MCFD2: variants seen among roughly 807,000 people sequenced by gnomAD.
MCFD2 encodes the protein multiple coagulation factor deficiency protein 2.
In MCFD2, 11 loss-of-function variants were observed where a neutral mutation model predicts 12.8. The observed-to-expected ratio is 0.86, with a 90% confidence interval of 0.54 to 1.42. MCFD2 has a LOEUF of 1.42. MCFD2 is among the 40% of genes most tolerant of loss of function. The pLI, the probability that MCFD2 is intolerant of heterozygous loss-of-function variation, is 0.00. For synonymous variants in MCFD2, 70 were observed against 68.1 expected (o/e 1.03, Z -0.14); for missense variants, 191 against 178.6 (o/e 1.07, Z -0.40).
chr2:46,932,834 G>A (rs1179584315), intron 1 of MCFD2, among the ~76,000 whole-genome samples: 1 of 149,684 alleles, frequency 6.7e-6, no homozygotes, highest in African/African-American at 2.5e-5. Flanking sequence ...CCAGGAGGCA[G>A]AGGTTGCAGC....
At chr2:46,924,061 C>G (rs1367079617) in intron 1 of MCFD2, among the ~76,000 whole-genome samples, 1 of 151,984 alleles carries the variant, frequency 6.6e-6, no homozygotes, top group African/African-American at 2.4e-5. Flanking sequence ...AAAAAATAGC[C>G]AGGCGTGGTG....
intron 1 of MCFD2, among the ~76,000 whole-genome samples, chr2:46,938,336 C>T (rs1188188829): frequency 6.6e-6 from 1 of 152,144 alleles, no homozygotes; most frequent in Non-Finnish European, 1.5e-5. Flanking sequence ...CACTATTATA[C>T]CTTTTTTTTT....
chr2:46,930,988 G>C (rs1309034850), intron 1 of MCFD2, among the ~76,000 whole-genome samples: 1 of 151,380 alleles, frequency 6.6e-6, no homozygotes, highest in Admixed American at 6.6e-5. Context: ...TTCCAGATGA[G>C]AAAATTTAGC....
chr2:46,905,837 T>A (rs1572606547), intron 3 of MCFD2: 2 of 603,096 alleles, frequency 3.3e-6, no homozygotes, highest in Admixed American at 4.4e-5. Flanking sequence ...AGTCAATTTA[T>A]CATAATCCAG....
At chr2:46,926,022 C>A (rs575017935) in intron 1 of MCFD2, among the ~76,000 whole-genome samples, 1 of 152,280 alleles carries the variant, frequency 6.6e-6, no homozygotes, top group South Asian at 2.1e-4. Flanking sequence ...AATATCTGCT[C>A]ATTCTCAGAG....
In MCFD2 at chr2:46,941,329, C is replaced by T. The variant is rs1482430334; in HGVS notation, c.-8+243G>A. 1.3e-5 allele frequency: 3 copies of T among 235,416 alleles called. No homozygotes were observed. Among genetic ancestry groups the T allele is most frequent in the Admixed American group, 6.0e-5 (1 of 16,592 alleles). The allele number at this position is 235,416 out of a possible 1,614,324, so 14.6% of individuals were successfully genotyped here. A position where few individuals can be genotyped will look rare whatever the true frequency, so the allele number is the denominator to read the frequency against. On this transcript the variant is annotated intron_variant, in intron 1 of 2. Coordinates refer to the MCFD2 transcript ENST00000409147. The surrounding 1 kb of genome is among the most constrained non-coding windows in gnomAD (Gnocchi z 4.2). ...ACGGGCCGCTCGGCCGGAGCCGCAG[C>T]CCGGAGGCGCCGGGCGGTGCGCTGG...
chr2:46,940,213 G>T lies in MCFD2; in HGVS notation c.-8+1359C>A, dbSNP rs1670213616. Among the ~76,000 whole-genome samples, 1 of 152,116 alleles carries T rather than the reference G, an allele frequency of 6.6e-6. No individual in the cohort carries two copies. Among genetic ancestry groups the T allele is most frequent in the African/African-American group, 2.4e-5 (1 of 41,434 alleles). On this transcript the variant is annotated intron_variant, in intron 1 of 2. Coordinates refer to the MCFD2 transcript ENST00000409147. This position sits in a 1 kb window ranked among gnomAD's most constrained non-coding sequence, Gnocchi z 4.7. ...CAAAAACACTTAGGGCAGTGGTGAA[G>T]ACTCCAGAGGGAGGACGTGGAGCAC...
rs565391402 is a variant in MCFD2, at chr2:46,923,966, C to T, written c.-7-15997G>A. Among the ~76,000 whole-genome samples the T allele has an allele frequency of 4.6e-5, 7 of 151,962 alleles. 1 individual carries two copies. Among genetic ancestry groups the T allele is most frequent in the Non-Finnish European group, 8.8e-5 (6 of 67,928 alleles). The stretch of plus-strand genomic sequence containing the variant: ...GGCCAGGCTGGTCTCGAACTCCTGA[C>T]CTCAGGTGATCCACCCGCCTCGGCC... On this transcript the variant is annotated intron_variant, in intron 1 of 2. Transcript: ENST00000409147.
Position 46,933,470 on chromosome 2 carries a change from G to A in MCFD2, c.-8+8102C>T, listed in dbSNP as rs755897704. ...CCTTTGTAGGACTTCATCTCTTAGCGTAATGATTACATGTAGTTTTTCTGG... is the reference window on the plus strand; with the variant it reads ...CCTTTGTAGGACTTCATCTCTTAGCATAATGATTACATGTAGTTTTTCTGG... On this transcript the variant is annotated intron_variant, in intron 1 of 2. Transcript: ENST00000409147. 2.6e-5 allele frequency among the ~76,000 whole-genome samples: 4 copies of A among 152,316 alleles called. 1 individual carries two copies. The highest frequency in any genetic ancestry group is 2.0e-4 in the Admixed American group (3 of 15,308).
At chr2:46,916,017 T>C (rs941365244), upstream of MCFD2, 4 of 985,278 alleles carry the variant, frequency 4.1e-6, no homozygotes, top group East Asian at 1.1e-4. Flanking sequence ...TCCACTCCAG[T>C]TGGGCCGCTG....
chr2:46,908,160 G>T lies in MCFD2; in HGVS notation c.150-191C>A. Reference sequence around the variant, plus strand: ...TGAGAGGAGCAGGAAAAGTCAAATAGACCATCTGTTATGCTGGCAGGATTA... The same window carrying T: ...TGAGAGGAGCAGGAAAAGTCAAATATACCATCTGTTATGCTGGCAGGATTA... On this transcript the variant is annotated intron_variant, in intron 2 of 3. Coordinates refer to ENST00000319466, the MANE Select transcript of MCFD2 (RefSeq NM_139279.6). The surrounding 1 kb of genome is among the most constrained non-coding windows in gnomAD (Gnocchi z 4.5). The T allele has an allele frequency of 1.5e-6, 1 of 657,676 alleles. No individual in the cohort carries two copies. The highest frequency in any genetic ancestry group is 2.7e-6 in the Non-Finnish European group (1 of 367,406). 40.7% of individuals were successfully genotyped at this position (657,676 alleles called of 1,614,324 possible). A position where few individuals can be genotyped will look rare whatever the true frequency, so the allele number is the denominator to read the frequency against.
intron 1 of MCFD2, among the ~76,000 whole-genome samples, chr2:46,939,025 A>T (rs1670119752): frequency 6.6e-6 from 1 of 151,534 alleles, no homozygotes; most frequent in Admixed American, 6.6e-5. Context: ...AAAAAAAAAA[A>T]AAGTACTTTG....
upstream of MCFD2, chr2:46,916,303 G>C: frequency 2.2e-6 from 1 of 458,364 alleles, no homozygotes; most frequent in Non-Finnish European, 2.9e-6. Flanking sequence ...AGATTGGCCT[G>C]CTTCCAGCGT....
At position 46,940,190 on chromosome 2, in the gene MCFD2, A is replaced by C. The variant is rs1027228537; in HGVS notation, c.-8+1382T>G. ...ACCTTCCCTCGGTTACAGTTGTCCA[A>C]AAACACTTAGGGCAGTGGTGAAGAC... On this transcript the variant is annotated intron_variant, in intron 1 of 2. Coordinates refer to the MCFD2 transcript ENST00000409147. This position sits in a 1 kb window ranked among gnomAD's most constrained non-coding sequence, Gnocchi z 4.7. Among the ~76,000 whole-genome samples, 1 of 152,082 alleles carries C rather than the reference A, an allele frequency of 6.6e-6. No individual in the cohort carries two copies.
intron 1 of MCFD2, among the ~76,000 whole-genome samples, chr2:46,934,787 CT>C (rs1161003607): frequency 0.017 from 1,140 of 66,862 alleles, 166 homozygotes; most frequent in South Asian, 0.024. Flanking sequence ...GACTACTGCT[CT>C]TTTTTTTTTT....
intron 3 of MCFD2, among the ~76,000 whole-genome samples, chr2:46,906,167 C>G (rs2103736570): frequency 6.6e-6 from 1 of 152,272 alleles, no homozygotes; most frequent in South Asian, 2.1e-4. Flanking sequence ...TGCCACATCT[C>G]CCACATTCAC....
At chr2:46,939,511 TG>T (rs1194653959) in intron 1 of MCFD2, among the ~76,000 whole-genome samples, 1 of 152,316 alleles carries the variant, frequency 6.6e-6, no homozygotes, top group East Asian at 1.9e-4. Flanking sequence ...ACATGAGTAT[TG>T]GTGACCCCCT....
intron 3 of MCFD2, 25 bp from the exon 4 acceptor site, chr2:46,905,619 A>C (rs755560348): frequency 6.5e-7 from 1 of 1,543,714 alleles, no homozygotes; most frequent in South Asian, 1.1e-5. Context: ...TTAGACAATG[A>C]TGAGTTGCGC....
chr2:46,906,696 C>T (rs1572607965), intron 3 of MCFD2, among the ~76,000 whole-genome samples: 1 of 151,928 alleles, frequency 6.6e-6, no homozygotes, highest in South Asian at 2.1e-4. Flanking sequence ...CCATGCTGCC[C>T]AGGTTGGTCT....
Sources: allele counts gnomAD v4.1 joint callset (sites outside exome capture counted in the v4.1 genomes callset), GRCh38; gene constraint gnomAD v4.1.1; non-coding constraint Gnocchi (gnomAD v3.1); transcripts MANE v1.5; gene names NCBI Gene and HGNC (gene_info 2026-07-23, HGNC 2026-07-21).